The following NOB1 variants were observed in gnomAD, a reference collection of about 807,000 sequenced individuals.
NOB1 encodes the protein NIN1 (RPN12) binding protein 1 homolog, also known as RNA-binding protein NOB1.
Under a neutral mutation model 44.8 loss-of-function variants are expected in NOB1, and 44 were observed. The observed-to-expected ratio is 0.98, with a 90% CI of 0.77 to 1.26. The LOEUF is 1.26. Among genes scored for constraint, NOB1 ranks in the 50% most tolerant of loss-of-function variants. NOB1 has a pLI of 0.00. For synonymous variants in NOB1, 238 were observed against 218.7 expected (o/e 1.09, Z -0.78); for missense variants, 560 against 544.8 (o/e 1.03, Z -0.28).
intron 8 of NOB1, among the ~76,000 whole-genome samples, chr16:69,744,584 C>T (rs1031532540): frequency 2.0e-5 from 3 of 152,120 alleles, no homozygotes; most frequent in African/African-American, 4.8e-5. Context: ...ATGGGCTTCC[C>T]GAGACCCTGC....
chr16:69,747,357 G>A (rs906356400), intron 7 of NOB1, among the ~76,000 whole-genome samples: 1 of 151,978 alleles, frequency 6.6e-6, no homozygotes, highest in Admixed American at 6.6e-5. Context: ...GGGCAACATC[G>A]TGAGACCTCG....
At chr16:69,752,417 A>G in intron 2 of NOB1, 46 bp from the exon 3 acceptor site, 1 of 1,587,774 alleles carries the variant, frequency 6.3e-7, no homozygotes, top group South Asian at 1.1e-5. Context: ...AAAAAGCCAT[A>G]TGACCTTGGA....
chr16:69,754,622 C>T lies in NOB1; in HGVS notation c.168G>A (p.Lys56=). Residue 56 remains lysine (K), a synonymous_variant, in exon 2 of 9, where the codon AAG becomes AAA. Transcript: ENST00000268802. ...GCCGCACGTATTCCGGTAAGGGCTC[C>T]TTGAACCGCAGCTCGTAGGGCAGGA... ...LAVLPYELRF[K]EPLPEYVRLV... The T allele has an allele frequency of 6.2e-7, 1 of 1,614,184 alleles. No homozygotes were observed. The highest frequency in any genetic ancestry group is 8.5e-7 in the Non-Finnish European group (1 of 1,180,042).
intron 6 of NOB1, 29 bp from the exon 7 acceptor site, chr16:69,748,358 AT>A (rs1567643119): frequency 1.3e-6 from 2 of 1,581,986 alleles, no homozygotes; most frequent in Admixed American, 1.7e-5. Flanking sequence ...GAAGAAATCA[AT>A]TTTCTTTTCA....
intron 2 of NOB1, among the ~76,000 whole-genome samples, 155 bp from the exon 3 acceptor site, chr16:69,752,526 C>A (rs2038491684): frequency 6.6e-6 from 1 of 152,244 alleles, no homozygotes; most frequent in Admixed American, 6.5e-5. Flanking sequence ...AACCTTAACA[C>A]TTTCATCCAT....
At chr16:69,747,381 A>G (rs927445393) in intron 7 of NOB1, among the ~76,000 whole-genome samples, 1 of 152,118 alleles carries the variant, frequency 6.6e-6, no homozygotes, top group Admixed American at 6.5e-5. Context: ...CAAAGAAAAG[A>G]ATCTGAAGCA....
Position 69,748,858 on chromosome 16 carries a change from C to A in NOB1, c.726+60G>T, listed in dbSNP as rs780909959. 342 of 1,430,058 alleles carry A rather than the reference C, an allele frequency of 2.4e-4. 1 individual carries two copies. Among genetic ancestry groups the A allele is most frequent in the Non-Finnish European group, 2.5e-4 (268 of 1,055,314 alleles). The allele number at this position is 1,430,058 out of a possible 1,614,324, so 88.6% of individuals were successfully genotyped here. ...CACCAGTTCCGTGTACATCTGTACA[C>A]CTCGGTAGGACCACTGCCGATGACG... On this transcript the variant is annotated intron_variant, in intron 6 of 8. Transcript: ENST00000268802.
chr16:69,750,022 A>G (rs2038469929), intron 3 of NOB1, among the ~76,000 whole-genome samples: 1 of 141,262 alleles, frequency 7.1e-6, no homozygotes, highest in African/African-American at 2.6e-5. Context: ...TTTTTGAGAT[A>G]GGGTCTTGCT....
rs770859776 is a variant in NOB1, at chr16:69,754,574, G to A, written c.196+20C>T. 6.2e-7 allele frequency: 1 copy of A among 1,613,192 alleles called. No homozygotes were observed. Among genetic ancestry groups the A allele is most frequent in the African/African-American group, 1.3e-5 (1 of 74,904 alleles). ...CCCTGGACCCCAGCTTCCCGTCAAC[G>A]CTAGGGCAGAGGCACTCACCCAGCC... On this transcript the variant is annotated intron_variant, in intron 2 of 8. Coordinates refer to ENST00000268802, the MANE Select transcript of NOB1 (RefSeq NM_014062.3).
At chr16:69,745,803 C>T (rs1184379351) in intron 7 of NOB1, among the ~76,000 whole-genome samples, 1 of 152,198 alleles carries the variant, frequency 6.6e-6, no homozygotes, top group Admixed American at 6.5e-5. Context: ...AAATGCCTTA[C>T]CTGAAGTCTC....
At position 69,744,792 on chromosome 16, in the gene NOB1, C is replaced by T. The variant is rs146864158; in HGVS notation, c.969+81G>A. 135 of 1,489,566 alleles carry T rather than the reference C, an allele frequency of 9.1e-5. 2 individuals are homozygous for T. The African/African-American group carries it at 1.6e-3, about 17-fold the overall frequency. 92.3% of individuals were successfully genotyped at this position (1,489,566 alleles called of 1,614,324 possible). A position where few individuals can be genotyped will look rare whatever the true frequency, so the allele number is the denominator to read the frequency against. On this transcript the variant is annotated intron_variant, in intron 8 of 8. Coordinates refer to ENST00000268802, the MANE Select transcript of NOB1 (RefSeq NM_014062.3). Reference sequence around the variant, plus strand: ...CTTTCAATCGCCCATCTTGCAGAAACGACTAGACTAGGTTTTCTTTTGTCC... The same window carrying T: ...CTTTCAATCGCCCATCTTGCAGAAATGACTAGACTAGGTTTTCTTTTGTCC...
intron 8 of NOB1, among the ~76,000 whole-genome samples, chr16:69,743,896 A>C (rs2038406236): frequency 6.6e-6 from 1 of 152,220 alleles, no homozygotes; most frequent in Admixed American, 6.5e-5. Context: ...TACATAAGAT[A>C]AAGTCCTTGT....
At chr16:69,743,343 TTTAGG>T (rs2038400881) in intron 8 of NOB1, among the ~76,000 whole-genome samples, 1 of 151,982 alleles carries the variant, frequency 6.6e-6, no homozygotes, top group African/African-American at 2.4e-5. Context: ...TTCAGGCAAC[TTTAGG>T]TAAGTTCAAC....
intron 8 of NOB1, among the ~76,000 whole-genome samples, chr16:69,744,335 C>T (rs1239171090): frequency 6.6e-6 from 1 of 152,144 alleles, no homozygotes; most frequent in African/African-American, 2.4e-5. Context: ...ACAAGAAAAA[C>T]CCCAGGAATT....
chr16:69,744,598 T>A (rs374618289), intron 8 of NOB1, among the ~76,000 whole-genome samples: 2 of 152,060 alleles, frequency 1.3e-5, no homozygotes, highest in Admixed American at 1.3e-4. Flanking sequence ...ACCCTGCCCA[T>A]CCTTCAACTC....
intron 2 of NOB1, among the ~76,000 whole-genome samples, chr16:69,752,934 C>CA (rs112931020): frequency 2.2e-4 from 33 of 149,286 alleles, no homozygotes; most frequent in African/African-American, 6.9e-4. Flanking sequence ...GACTCCTTCT[C>CA]AAAAAAAAGA....
chr16:69,743,700 C>T (rs1456179210), intron 8 of NOB1, among the ~76,000 whole-genome samples: 5 of 152,114 alleles, frequency 3.3e-5, no homozygotes, highest in African/African-American at 4.8e-5. Context: ...GGACCCCAGT[C>T]GAAAAAAGAC....
Position 69,742,569 on chromosome 16 carries a change from G to C in NOB1, c.1002C>G (p.Tyr334Ter). ...YSLPTPKGGKYAINPHLTEDQ... is the reference protein window; with the variant it reads ...YSLPTPKGGK ...CCTCGGTGAGATGGGGGTTGATGGC[G>C]TATTTGCCCCCTTTGGGAGTGGGAA... is the stretch of plus-strand genomic sequence containing the variant. Residue 334 changes from tyrosine to a stop codon, truncating the protein, a stop_gained, in exon 9 of 9, where the codon TAC (tyrosine) becomes TAG (stop). Transcript: ENST00000268802. LOFTEE classifies it high-confidence loss of function. The C allele has an allele frequency of 6.2e-7, 1 of 1,614,096 alleles. No homozygotes were observed. Among genetic ancestry groups the C allele is most frequent in the Non-Finnish European group, 8.5e-7 (1 of 1,179,996 alleles).
intron 6 of NOB1, among the ~76,000 whole-genome samples, 155 bp from the exon 7 acceptor site, chr16:69,748,484 G>A (rs113667431): frequency 1.3e-5 from 2 of 152,170 alleles, no homozygotes; most frequent in Non-Finnish European, 2.9e-5. Context: ...GTGTAAACGA[G>A]GACGAAGGCC....
Sources: gnomAD v4.1 joint callset for allele counts (sites outside exome capture counted in the v4.1 genomes callset) on GRCh38, gnomAD v4.1.1 for gene constraint, MANE v1.5 for transcripts, NCBI Gene and HGNC (gene_info 2026-07-23, HGNC 2026-07-21) for gene names.